USP50: variants seen among roughly 807,000 people sequenced by gnomAD.
The protein encoded by USP50 is ubiquitin carboxyl-terminal hydrolase 50.
A neutral mutation model predicts 39.2 loss-of-function variants in USP50; 37 were observed. That is an observed-to-expected ratio of 0.94 (90% CI 0.73 to 1.24). The LOEUF (loss-of-function observed/expected upper bound fraction) is 1.24, where lower values mean the gene tolerates loss of function less well. Among genes scored for constraint, USP50 ranks in the 50% most tolerant of loss-of-function variants. USP50 has a pLI of 0.00. For synonymous variants in USP50, 139 were observed against 144.5 expected (o/e 0.96, Z 0.27); for missense variants, 374 against 398.2 (o/e 0.94, Z 0.52).
At chr15:50,529,753 T>G in intron 6 of USP50, 44 bp downstream of exon 6, 1 of 1,588,922 alleles carries the variant, frequency 6.3e-7, no homozygotes, top group Non-Finnish European at 8.6e-7. Flanking sequence ...ATTCTGGAGT[T>G]TTCTTTAAAA....
chr15:50,534,444 A>G (rs2052964465), intron 5 of USP50, among the ~76,000 whole-genome samples: 1 of 152,206 alleles, frequency 6.6e-6, no homozygotes, highest in African/African-American at 2.4e-5. Flanking sequence ...GTAGATAAAA[A>G]CAGGAACACC....
intron 6 of USP50, among the ~76,000 whole-genome samples, chr15:50,525,394 T>C (rs1038542532): frequency 6.6e-6 from 1 of 151,828 alleles, no homozygotes; most frequent in African/African-American, 2.4e-5. Context: ...GCTGAGCAAA[T>C]TTCAAATGCC....
chr15:50,531,044 G>A (rs981225783), intron 5 of USP50, among the ~76,000 whole-genome samples: 2 of 152,036 alleles, frequency 1.3e-5, no homozygotes, highest in Non-Finnish European at 2.9e-5. Context: ...TCACATCAGA[G>A]TTACTCAGAA....
chr15:50,499,102 A>G (rs773356883), downstream of USP50: 2 of 1,572,368 alleles, frequency 1.3e-6, no homozygotes, highest in South Asian at 1.2e-5. Flanking sequence ...GACATAGGTT[A>G]TAAACTAGTT....
In USP50 at chr15:50,541,079, G is replaced by A. The variant is rs1229224940; in HGVS notation, c.630C>T (p.Pro210=). ...GGGAGCATTCATATTTGGATGGAAT[G>A]GGGAGTGAGAAGACAGTGAAGACTT... ...KNEVFTVFSL[P]IPSKYECSLR... Residue 210 remains proline, a synonymous_variant, in exon 4 of 7, where the codon CCC becomes CCT. Transcript: ENST00000532404. 2 of 1,613,832 alleles carry A rather than the reference G, an allele frequency of 1.2e-6. No individual in the cohort carries two copies. The highest frequency in any genetic ancestry group is 1.7e-5 in the Admixed American group (1 of 60,014).
chr15:50,496,066 A>G, downstream of USP50: 1 of 1,612,028 alleles, frequency 6.2e-7, no homozygotes, highest in Non-Finnish European at 8.5e-7. Context: ...TAGCATCCAC[A>G]AGTAAATGTA....
downstream of USP50, chr15:50,497,029 T>C: frequency 1.3e-6 from 2 of 1,545,510 alleles, no homozygotes; most frequent in Middle Eastern, 2.3e-4. Flanking sequence ...AAATAGGTGC[T>C]CTCTGACATT....
intron 3 of USP50, among the ~76,000 whole-genome samples, chr15:50,542,668 T>C (rs1161495997): frequency 6.6e-6 from 1 of 151,946 alleles, no homozygotes; most frequent in Admixed American, 6.6e-5. Flanking sequence ...TTTGTATTTT[T>C]AGTAGAGACG....
chr15:50,501,121 TTAATA>T (rs1349156470), intron 6 of USP50: 1 of 327,324 alleles, frequency 3.1e-6, no homozygotes, highest in African/African-American at 2.1e-5. Flanking sequence ...TAGTTAGCAC[TTAATA>T]TACATCAACT....
intron 5 of USP50, chr15:50,532,010 A>G (rs1021751468): frequency 3.6e-5 from 15 of 412,288 alleles, no homozygotes; most frequent in Non-Finnish European, 4.8e-5. Context: ...TCACAGACTT[A>G]CCAGAGCCAA....
At chr15:50,527,644 G>GTT (rs34341151) in intron 6 of USP50, among the ~76,000 whole-genome samples, 1 of 143,250 alleles carries the variant, frequency 7.0e-6, no homozygotes, top group African/African-American at 2.5e-5. Context: ...TTTTATTGTT[G>GTT]TTTTTTTTTT....
chr15:50,545,376 C>G (rs1366537468), intron 1 of USP50, among the ~76,000 whole-genome samples: 1 of 151,834 alleles, frequency 6.6e-6, no homozygotes, highest in Admixed American at 6.6e-5. Flanking sequence ...GATGAGATGT[C>G]AGGTTTAAAT....
intron 6 of USP50, among the ~76,000 whole-genome samples, chr15:50,519,333 G>T (rs933117523): frequency 6.6e-6 from 1 of 151,852 alleles, no homozygotes; most frequent in African/African-American, 2.4e-5. Context: ...CAAAGGACAT[G>T]AATACACATT....
intron 5 of USP50, among the ~76,000 whole-genome samples, chr15:50,533,032 C>T (rs781543485): frequency 5.9e-5 from 9 of 151,898 alleles, no homozygotes; most frequent in Middle Eastern, 3.2e-3. Context: ...GCCGGTCAGG[C>T]GCAGTGGCTC....
chr15:50,518,841 A>C (rs1475711507), intron 6 of USP50, among the ~76,000 whole-genome samples: 1 of 152,232 alleles, frequency 6.6e-6, no homozygotes, highest in Non-Finnish European at 1.5e-5. Flanking sequence ...GCTTCTGCAT[A>C]GCAAAGAAAG....
rs138583158 is a variant in USP50, at chr15:50,518,572, A to G, written c.936+11225T>C. Reference sequence around the variant, plus strand: ...CCATGGGGAAAGGACACCTGCTTCAATAAATTGTACTGGAAAACTGGATAT... The same window carrying G: ...CCATGGGGAAAGGACACCTGCTTCAGTAAATTGTACTGGAAAACTGGATAT... On this transcript the variant is annotated intron_variant, in intron 6 of 6. Coordinates refer to ENST00000532404, the MANE Select transcript of USP50 (RefSeq NM_203494.5). Among the ~76,000 whole-genome samples, 94 of 152,170 alleles carry G rather than the reference A, an allele frequency of 6.2e-4. 1 individual carries two copies. The highest frequency in any genetic ancestry group is 2.0e-3 in the African/African-American group (85 of 41,534).
intron 6 of USP50, chr15:50,512,924 A>C (rs1469651536): frequency 6.6e-6 from 1 of 152,230 alleles, no homozygotes; most frequent in Non-Finnish European, 1.5e-5. Context: ...ACAACAAACC[A>C]AAAACAAAAA....
At chr15:50,519,135 A>T (rs888775665) in intron 6 of USP50, among the ~76,000 whole-genome samples, 1 of 152,034 alleles carries the variant, frequency 6.6e-6, no homozygotes, top group Admixed American at 6.6e-5. Flanking sequence ...AAAAATGCAA[A>T]ACGTAGCCAA....
intron 1 of USP50, among the ~76,000 whole-genome samples, 170 bp from the exon 2 acceptor site, chr15:50,544,951 A>G (rs1188977160): frequency 6.6e-6 from 1 of 152,180 alleles, no homozygotes; most frequent in Non-Finnish European, 1.5e-5. Flanking sequence ...CTAAAATTGT[A>G]TTATGGCAGA....
Sources: allele counts gnomAD v4.1 joint callset (sites outside exome capture counted in the v4.1 genomes callset), GRCh38; gene constraint gnomAD v4.1.1; transcripts MANE v1.5; gene names NCBI Gene and HGNC (gene_info 2026-07-23, HGNC 2026-07-21).